The following PTPRN2 variants were observed in gnomAD, a reference collection of about 807,000 sequenced individuals.
PTPRN2 encodes the protein receptor-type tyrosine-protein phosphatase N2.
Under a neutral mutation model 118.8 loss-of-function variants are expected in PTPRN2, and 74 were observed. The ratio of observed to expected loss-of-function variants is 0.62; its 90% CI spans 0.52 to 0.76. The LOEUF (loss-of-function observed/expected upper bound fraction) is 0.76. PTPRN2 is among the 30% of genes least tolerant of loss of function. PTPRN2 has a pLI of 0.00. For synonymous variants in PTPRN2, 641 were observed against 608.0 expected, an observed-to-expected ratio of 1.05 and a Z score of -0.80; for missense variants, 1,481 against 1,394.4, an observed-to-expected ratio of 1.06 and a Z score of -0.99.
chr7:157,705,580 A>C (rs1798286275), intron 12 of PTPRN2, among the ~76,000 whole-genome samples: 1 of 152,008 alleles, frequency 6.6e-6, no homozygotes, highest in African/African-American at 2.4e-5. Flanking sequence ...TGCCTTCCGG[A>C]TCAATGCGGA....
chr7:158,462,611 A>T (rs892788139), intron 2 of PTPRN2, among the ~76,000 whole-genome samples: 2 of 152,180 alleles, frequency 1.3e-5, no homozygotes, highest in Non-Finnish European at 2.9e-5. Context: ...AACTAAGACA[A>T]AAAGGAGTGG....
At chr7:157,769,886 A>G (rs1242776) in intron 12 of PTPRN2, among the ~76,000 whole-genome samples, 53,367 of 152,024 alleles carry the variant, frequency 0.35, 11,801 homozygotes, top group African/African-American at 0.62. Context: ...TGCACACTTT[A>G]TTCTTCCCAA....
chr7:158,329,516 T>C lies in PTPRN2; in HGVS notation c.164-12584A>G, dbSNP rs564054251. Among the ~76,000 whole-genome samples the C allele has an allele frequency of 4.5e-4, 69 of 152,190 alleles. 2 individuals carry two copies. The South Asian group carries it at 0.014, about 32-fold the overall frequency. ...AAGGACGGCTCACGCTCCAGCCACA[T>C]GAGGACACGTGAGGAGGCACCGTCG... On this transcript the variant is annotated intron_variant, in intron 2 of 22. Transcript: ENST00000389418.
chr7:158,345,240 G>A (rs11978922), intron 2 of PTPRN2, among the ~76,000 whole-genome samples: 32,690 of 152,084 alleles, frequency 0.21, 3,869 homozygotes, highest in Middle Eastern at 0.29. Context: ...GTGACTAGAC[G>A]TTAACAAGGA....
intron 3 of PTPRN2, among the ~76,000 whole-genome samples, chr7:158,315,069 G>C (rs1802196062): frequency 1.2e-5 from 1 of 83,366 alleles, no homozygotes; most frequent in Non-Finnish European, 2.5e-5. Context: ...ACGCCCTCAA[G>C]GACAGAGGTG....
intron 5 of PTPRN2, among the ~76,000 whole-genome samples, chr7:158,175,235 G>A (rs1037090705): frequency 2.6e-5 from 4 of 152,208 alleles, no homozygotes; most frequent in South Asian, 2.1e-4. Context: ...TGATCACGGC[G>A]TGCTTGCTGC....
intron 12 of PTPRN2, among the ~76,000 whole-genome samples, chr7:157,824,443 C>T (rs528779171): frequency 1.6e-4 from 25 of 152,300 alleles, no homozygotes; most frequent in African/African-American, 3.6e-4. Context: ...AGCAGCTTCC[C>T]GAGGACAAGT....
chr7:158,581,281 G>A (rs1257351045), intron 1 of PTPRN2, among the ~76,000 whole-genome samples: 2 of 152,160 alleles, frequency 1.3e-5, no homozygotes, highest in Non-Finnish European at 2.9e-5. Context: ...CTTTCTATCT[G>A]TAAATTGAAG....
At chr7:157,896,702 C>T (rs1032664346) in intron 12 of PTPRN2, among the ~76,000 whole-genome samples, 4 of 152,138 alleles carry the variant, frequency 2.6e-5, no homozygotes, top group Admixed American at 6.5e-5. Flanking sequence ...CTCACGTGTG[C>T]GTAGACAACA....
chr7:158,581,218 G>A lies in PTPRN2; in HGVS notation c.112+6340C>T, dbSNP rs73180255. On this transcript the variant is annotated intron_variant, in intron 1 of 22. Coordinates refer to ENST00000389418, the MANE Select transcript of PTPRN2 (RefSeq NM_002847.5). ...CCAGAGACCTAGGACCCCATCCCAG[G>A]ACTACCCACCAGGTGTCCTGTGGTA... is the stretch of plus-strand genomic sequence containing the variant. Among the ~76,000 whole-genome samples the A allele has an allele frequency of 7.6e-3, 1,155 of 152,304 alleles. 7 individuals carry two copies. Among genetic ancestry groups the A allele is most frequent in the Middle Eastern group, 0.017 (5 of 294 alleles).
At chr7:157,970,521 G>A (rs906699900) in intron 11 of PTPRN2, among the ~76,000 whole-genome samples, 1 of 152,170 alleles carries the variant, frequency 6.6e-6, no homozygotes, top group Non-Finnish European at 1.5e-5. Flanking sequence ...CGCTGATGGC[G>A]TCCTCACCAT....
At chr7:158,489,546 G>C (rs956084827) in intron 2 of PTPRN2, among the ~76,000 whole-genome samples, 189 bp downstream of exon 2, 2 of 152,216 alleles carry the variant, frequency 1.3e-5, no homozygotes, top group Non-Finnish European at 2.9e-5. Flanking sequence ...CCCAGAACCC[G>C]GGCAACCTCT....
intron 12 of PTPRN2, among the ~76,000 whole-genome samples, chr7:157,732,162 G>A (rs1585328714): frequency 1.2e-5 from 1 of 86,148 alleles, no homozygotes; most frequent in African/African-American, 4.6e-5. Context: ...ACCCTTTCCC[G>A]TCCCATGCGC....
chr7:157,829,356 G>A (rs1807396611), intron 12 of PTPRN2, among the ~76,000 whole-genome samples: 1 of 152,216 alleles, frequency 6.6e-6, no homozygotes, highest in Admixed American at 6.5e-5. Context: ...GTAAGTAGAA[G>A]TCCTTAAAAA....
In PTPRN2 at chr7:158,574,929, C is replaced by T. The variant is rs886165303; in HGVS notation, c.112+12629G>A. On this transcript the variant is annotated intron_variant, in intron 1 of 22. Coordinates refer to ENST00000389418, the MANE Select transcript of PTPRN2 (RefSeq NM_002847.5). The surrounding 1 kb of genome is among the most constrained non-coding windows in gnomAD (Gnocchi z 4.6). ...AGAGCCACTGATTTACACGGCAGAA[C>T]TGGCCACCACCAGACTACTCACCCT... Among the ~76,000 whole-genome samples, 1 of 152,218 alleles carries T rather than the reference C, an allele frequency of 6.6e-6. No homozygotes were observed. The highest frequency in any genetic ancestry group is 2.4e-5 in the African/African-American group (1 of 41,448).
chr7:157,718,761 G>C (rs376341232), intron 12 of PTPRN2, among the ~76,000 whole-genome samples: 2 of 151,838 alleles, frequency 1.3e-5, no homozygotes, highest in African/African-American at 4.8e-5. Context: ...ATGGCCCCGG[G>C]GTGAGTCTCA....
intron 12 of PTPRN2, among the ~76,000 whole-genome samples, chr7:157,762,757 AG>A (rs1269725271): frequency 6.7e-6 from 1 of 150,030 alleles, no homozygotes; most frequent in African/African-American, 2.4e-5. Context: ...TAAAAAAAAA[AG>A]AGAAAAAAGA....
chr7:158,233,954 A>G (rs1829341703), intron 3 of PTPRN2, among the ~76,000 whole-genome samples: 1 of 152,212 alleles, frequency 6.6e-6, no homozygotes, highest in South Asian at 2.1e-4. Context: ...ATGTCTCACC[A>G]TATACAAAAA....
chr7:157,885,626 G>A (rs755080065), intron 12 of PTPRN2, among the ~76,000 whole-genome samples: 1 of 152,188 alleles, frequency 6.6e-6, no homozygotes, highest in South Asian at 2.1e-4. Flanking sequence ...TGAAAATTAG[G>A]GTTTCCCACC....
Sources: gnomAD v4.1 joint callset for allele counts (sites outside exome capture counted in the v4.1 genomes callset) on GRCh38, gnomAD v4.1.1 for gene constraint, Gnocchi (gnomAD v3.1) non-coding constraint, MANE v1.5 for transcripts, NCBI Gene and HGNC (gene_info 2026-07-23, HGNC 2026-07-21) for gene names.